Variants in ARPP21 observed in about 807,000 individuals in gnomAD.
The protein encoded by ARPP21 is cAMP-regulated phosphoprotein 21.
Under a neutral mutation model 113.2 loss-of-function variants are expected in ARPP21, and 69 were observed. The ratio of observed to expected loss-of-function variants is 0.61; its 90% confidence interval spans 0.50 to 0.74. The LOEUF (loss-of-function observed/expected upper bound fraction) is 0.74. Among genes scored for constraint, ARPP21 ranks in the 30% least tolerant of loss-of-function variants. The pLI, the probability that ARPP21 is intolerant of heterozygous loss-of-function variation, is 0.00. For missense variants in ARPP21, 1,070 were observed against 1,037.4 expected (o/e 1.03, Z -0.43); for synonymous variants, 368 against 375.5 (o/e 0.98, Z 0.23).
At chr3:35,702,191 A>G (rs892006948) in intron 9 of ARPP21, among the ~76,000 whole-genome samples, 2 of 151,782 alleles carry the variant, frequency 1.3e-5, no homozygotes, top group South Asian at 4.1e-4. Flanking sequence ...CAACATAAAT[A>G]TGATCAAAGC....
chr3:35,745,177 G>C (rs2094945715), intron 19 of ARPP21, among the ~76,000 whole-genome samples: 1 of 152,132 alleles, frequency 6.6e-6, no homozygotes, highest in Admixed American at 6.5e-5. Flanking sequence ...GAACACTAAA[G>C]GGTTTCAAAT....
chr3:35,768,670 T>C (rs1290473698), intron 19 of ARPP21, among the ~76,000 whole-genome samples: 3 of 152,128 alleles, frequency 2.0e-5, no homozygotes, highest in Non-Finnish European at 4.4e-5. Flanking sequence ...GCATGTTGAG[T>C]TTTACATTTT....
At chr3:35,677,265 A>G (rs561327000) in intron 1 of ARPP21, among the ~76,000 whole-genome samples, 8 of 151,786 alleles carry the variant, frequency 5.3e-5, no homozygotes, top group African/African-American at 1.9e-4. Flanking sequence ...AGTGATTAAT[A>G]TGTGTAATAC....
At chr3:35,783,773 C>T (rs1176725939) in intron 19 of ARPP21, among the ~76,000 whole-genome samples, 2 of 152,162 alleles carry the variant, frequency 1.3e-5, no homozygotes, top group East Asian at 1.9e-4. Context: ...AGCCTAGCTC[C>T]ATTTCTATCC....
At chr3:35,784,101 GC>G (rs1184586287) in intron 19 of ARPP21, among the ~76,000 whole-genome samples, 1 of 152,148 alleles carries the variant, frequency 6.6e-6, no homozygotes, top group African/African-American at 2.4e-5. Context: ...TCTGTTTATG[GC>G]CTGTCTCCAC....
chr3:35,644,443 G>A lies in ARPP21; in HGVS notation c.-213+4045G>A, dbSNP rs543972992. Among the ~76,000 whole-genome samples the A allele has an allele frequency of 2.4e-3, 366 of 151,932 alleles. 6 individuals carry two copies. The highest frequency in any genetic ancestry group is 3.2e-3 in the Non-Finnish European group (216 of 67,816). ...ATGTTTCATTAAGAATAAAGTGCAC[G>A]AGAAAGAATATCTGGTTCATTCAGC... On this transcript the variant is annotated intron_variant, in intron 1 of 20. Coordinates refer to ENST00000684406, the MANE Select transcript of ARPP21 (RefSeq NM_001385562.1).
At chr3:35,765,710 A>G (rs2095946693) in intron 19 of ARPP21, among the ~76,000 whole-genome samples, 1 of 152,178 alleles carries the variant, frequency 6.6e-6, no homozygotes, top group Non-Finnish European at 1.5e-5. Context: ...TAGAAAAGAC[A>G]AAAATAAGTC....
intron 19 of ARPP21, among the ~76,000 whole-genome samples, chr3:35,789,073 G>T (rs529773876): frequency 2.0e-5 from 3 of 152,296 alleles, no homozygotes; most frequent in African/African-American, 7.2e-5. Context: ...AGCCTACAGG[G>T]CAGATACTGT....
chr3:35,692,714 G>C (rs1161073807), intron 9 of ARPP21, among the ~76,000 whole-genome samples: 1 of 151,610 alleles, frequency 6.6e-6, no homozygotes, highest in Non-Finnish European at 1.5e-5. Context: ...GGTCATCTTT[G>C]AGTGCTGGCT....
At chr3:35,793,586 G>A in intron 20 of ARPP21, 115 bp from the exon 21 acceptor site, 1 of 709,792 alleles carries the variant, frequency 1.4e-6, no homozygotes, top group Non-Finnish European at 2.5e-6. Flanking sequence ...AGCTGGAATT[G>A]ATGACCTGTT....
At chr3:35,657,198 A>T (rs1705397778) in intron 1 of ARPP21, among the ~76,000 whole-genome samples, 1 of 152,044 alleles carries the variant, frequency 6.6e-6, no homozygotes, top group African/African-American at 2.4e-5. Context: ...ACTGTGAAAA[A>T]CTGACAGCCT....
chr3:35,777,647 C>A (rs533170266), intron 19 of ARPP21, among the ~76,000 whole-genome samples: 1 of 152,262 alleles, frequency 6.6e-6, no homozygotes, highest in South Asian at 2.1e-4. Flanking sequence ...ATTGCAAGGA[C>A]CAGTTAAGGT....
intron 19 of ARPP21, among the ~76,000 whole-genome samples, chr3:35,746,728 T>C (rs1036995513): frequency 6.8e-4 from 103 of 152,228 alleles, no homozygotes; most frequent in African/African-American, 2.4e-3. Flanking sequence ...GATTTTAATC[T>C]GAATTTGCTT....
intron 1 of ARPP21, among the ~76,000 whole-genome samples, chr3:35,666,240 A>C (rs942284968): frequency 7.9e-5 from 12 of 152,118 alleles, no homozygotes; most frequent in African/African-American, 2.9e-4. Context: ...TATTCCCACA[A>C]ACTGCTATTT....
intron 19 of ARPP21, among the ~76,000 whole-genome samples, chr3:35,783,490 C>T (rs1283221989): frequency 6.6e-6 from 1 of 152,080 alleles, no homozygotes; most frequent in Non-Finnish European, 1.5e-5. Context: ...TCACATCCTA[C>T]ATCTATCTCT....
At chr3:35,655,970 T>A (rs537471766) in intron 1 of ARPP21, among the ~76,000 whole-genome samples, 92 of 152,190 alleles carry the variant, frequency 6.0e-4, no homozygotes, top group African/African-American at 2.1e-3. Context: ...ATCTAAAACA[T>A]AAAACTTTTT....
intron 1 of ARPP21, among the ~76,000 whole-genome samples, chr3:35,646,188 G>A (rs1052311098): frequency 1.3e-5 from 2 of 151,942 alleles, no homozygotes; most frequent in African/African-American, 4.8e-5. Context: ...CCTCGTAATT[G>A]TTTAAATTTT....
intron 1 of ARPP21, among the ~76,000 whole-genome samples, chr3:35,657,146 A>G (rs553362654): frequency 2.6e-5 from 4 of 152,156 alleles, no homozygotes; most frequent in African/African-American, 9.6e-5. Flanking sequence ...GCTGCTTTAA[A>G]AATGATTTTC....
At chr3:35,747,359 TAA>T (rs34264524) in intron 19 of ARPP21, among the ~76,000 whole-genome samples, 40 of 108,840 alleles carry the variant, frequency 3.7e-4, no homozygotes, top group African/African-American at 7.2e-4. Flanking sequence ...AGACTCCATC[TAA>T]AAAAAAAAAA....
Sources: gnomAD v4.1 joint callset for allele counts (sites outside exome capture counted in the v4.1 genomes callset) on GRCh38, gnomAD v4.1.1 for gene constraint, MANE v1.5 for transcripts, NCBI Gene and HGNC (gene_info 2026-07-23, HGNC 2026-07-21) for gene names.